Variants in GRM8 observed in about 807,000 individuals in gnomAD.
GRM8 encodes metabotropic glutamate receptor 8.
In GRM8, 47 loss-of-function variants were observed where a neutral mutation model predicts 87.2. The ratio of observed to expected loss-of-function variants is 0.54; its 90% CI spans 0.43 to 0.69. The LOEUF (loss-of-function observed/expected upper bound fraction) is 0.69. Ranked by LOEUF, GRM8 falls within the 30% of genes least tolerant of loss-of-function variation. GRM8 has a pLI of 0.00. For synonymous variants in GRM8, 396 were observed against 404.5 expected (o/e 0.98, Z 0.25); for missense variants, 1,019 against 1,139.2 (o/e 0.89, Z 1.52).
intron 3 of GRM8, among the ~76,000 whole-genome samples, chr7:126,974,814 T>TAGTC (rs1184031662): frequency 1.3e-5 from 2 of 152,068 alleles, no homozygotes; most frequent in Non-Finnish European, 2.9e-5. Context: ...CAGGCACCTG[T>TAGTC]AGTCCCAGCT....
chr7:126,585,935 T>G (rs1226812386), intron 8 of GRM8, among the ~76,000 whole-genome samples: 1 of 152,126 alleles, frequency 6.6e-6, no homozygotes, highest in Admixed American at 6.5e-5. Flanking sequence ...GAAAACCCCA[T>G]TGTCTCAGCC....
At position 126,483,112 on chromosome 7, in the gene GRM8, T is replaced by C. The variant is rs1806900739; in HGVS notation, c.2431-36740A>G. Among the ~76,000 whole-genome samples, 8 of 147,890 alleles carry C rather than the reference T, an allele frequency of 5.4e-5. No individual in the cohort carries two copies. The South Asian group carries it at 1.7e-3, about 31-fold the overall frequency. On this transcript the variant is annotated intron_variant, in intron 9 of 10. Coordinates refer to ENST00000339582, the MANE Select transcript of GRM8 (RefSeq NM_000845.3). ...TATATTTATTTGTTATATAAATATATAACTAAATATATATAATATATATAA... is the reference window on the plus strand; with the variant it reads ...TATATTTATTTGTTATATAAATATACAACTAAATATATATAATATATATAA...
chr7:126,784,124 C>T (rs560750023), intron 6 of GRM8, among the ~76,000 whole-genome samples: 14 of 152,038 alleles, frequency 9.2e-5, no homozygotes, highest in Non-Finnish European at 2.1e-4. Context: ...TGCATCAGGA[C>T]CTGGAAAACA....
chr7:126,546,396 A>G (rs182996102), intron 8 of GRM8, among the ~76,000 whole-genome samples: 94 of 152,282 alleles, frequency 6.2e-4, no homozygotes, highest in African/African-American at 2.1e-3. Context: ...AGGTAGCCAA[A>G]ATGTTTTGAA....
chr7:126,888,747 G>A (rs1389125625), intron 6 of GRM8, among the ~76,000 whole-genome samples: 1 of 152,116 alleles, frequency 6.6e-6, no homozygotes, highest in Non-Finnish European at 1.5e-5. Flanking sequence ...GACAGGTGCA[G>A]AGCATCTTTC....
chr7:127,010,504 T>C (rs773435777), intron 3 of GRM8, among the ~76,000 whole-genome samples: 1 of 151,984 alleles, frequency 6.6e-6, no homozygotes, highest in Non-Finnish European at 1.5e-5. Flanking sequence ...CAAGAAAAAA[T>C]ATATACAAAA....
intron 6 of GRM8, among the ~76,000 whole-genome samples, chr7:126,799,584 T>C (rs1423351738): frequency 6.6e-6 from 1 of 152,124 alleles, no homozygotes; most frequent in Non-Finnish European, 1.5e-5. Flanking sequence ...GAATCCCTCC[T>C]TGTACCTAGA....
intron 6 of GRM8, among the ~76,000 whole-genome samples, chr7:126,865,054 G>A (rs1302263201): frequency 6.6e-6 from 1 of 152,176 alleles, no homozygotes; most frequent in Non-Finnish European, 1.5e-5. Flanking sequence ...TTTTAGTACT[G>A]TGTTTGTGAG....
chr7:126,538,379 A>G (rs1192099829), intron 8 of GRM8, among the ~76,000 whole-genome samples: 1 of 152,164 alleles, frequency 6.6e-6, no homozygotes, highest in African/African-American at 2.4e-5. Context: ...GATTACAAGA[A>G]TGATTACAAG....
intron 2 of GRM8, among the ~76,000 whole-genome samples, chr7:127,241,585 C>T (rs1798304169): frequency 6.6e-6 from 1 of 152,078 alleles, no homozygotes; most frequent in Admixed American, 6.6e-5. Flanking sequence ...AAGCGTGTGC[C>T]ACTATGCCGG....
chr7:127,218,914 C>A (rs187925845), intron 2 of GRM8, among the ~76,000 whole-genome samples: 1 of 152,314 alleles, frequency 6.6e-6, no homozygotes, highest in Admixed American at 6.5e-5. Context: ...TCATTATGAA[C>A]CTTTCAGCTC....
intron 9 of GRM8, among the ~76,000 whole-genome samples, chr7:126,470,652 C>A (rs554795167): frequency 2.6e-5 from 4 of 152,196 alleles, no homozygotes; most frequent in East Asian, 3.9e-4. Flanking sequence ...AATAAACACA[C>A]GTGTGCATGT....
chr7:126,756,452 G>A (rs1385872266), intron 7 of GRM8, among the ~76,000 whole-genome samples: 1 of 151,932 alleles, frequency 6.6e-6, no homozygotes, highest in African/African-American at 2.4e-5. Context: ...TTCTGCTCTA[G>A]AAAAGATACA....
chr7:126,497,561 G>A (rs1028639286), intron 9 of GRM8, among the ~76,000 whole-genome samples: 3 of 151,908 alleles, frequency 2.0e-5, no homozygotes, highest in Non-Finnish European at 4.4e-5. Context: ...GAACTGCCCT[G>A]CCTGGACATT....
At chr7:126,546,771 T>A (rs1229851964) in intron 8 of GRM8, among the ~76,000 whole-genome samples, 1 of 152,314 alleles carries the variant, frequency 6.6e-6, no homozygotes, top group East Asian at 1.9e-4. Context: ...TAAGATACTC[T>A]CTCCAGCTAG....
At chr7:127,170,569 T>A (rs1418011946) in intron 2 of GRM8, among the ~76,000 whole-genome samples, 1 of 152,176 alleles carries the variant, frequency 6.6e-6, no homozygotes, top group Non-Finnish European at 1.5e-5. Context: ...AATTTGCAGT[T>A]GCAAAAACAT....
intron 9 of GRM8, among the ~76,000 whole-genome samples, chr7:126,510,376 A>G (rs1584884102): frequency 6.6e-6 from 1 of 152,020 alleles, no homozygotes; most frequent in East Asian, 1.9e-4. Flanking sequence ...TGATCGTAGT[A>G]TTCATTAAGA....
intron 7 of GRM8, among the ~76,000 whole-genome samples, chr7:126,764,182 T>G (rs1817940868): frequency 1.3e-5 from 2 of 151,976 alleles, no homozygotes; most frequent in Admixed American, 1.3e-4. Flanking sequence ...TTGTTTCATG[T>G]TTATCACACT....
chr7:126,872,927 CT>C (rs758194619), intron 6 of GRM8, among the ~76,000 whole-genome samples: 2 of 152,046 alleles, frequency 1.3e-5, no homozygotes, highest in African/African-American at 4.8e-5. Flanking sequence ...TGTGAAATGT[CT>C]TTTTTTCCTA....
Sources: allele counts gnomAD v4.1 joint callset (sites outside exome capture counted in the v4.1 genomes callset), GRCh38; gene constraint gnomAD v4.1.1; transcripts MANE v1.5; gene names NCBI Gene and HGNC (gene_info 2026-07-23, HGNC 2026-07-21).